Variants in PDE3B observed in about 807,000 individuals in gnomAD.
PDE3B encodes the protein phosphodiesterase 3B.
Under a neutral mutation model 116.8 loss-of-function variants are expected in PDE3B, and 66 were observed. That is an observed-to-expected ratio of 0.56 (90% confidence interval 0.46 to 0.69). PDE3B has a LOEUF of 0.69. Among genes scored for constraint, PDE3B ranks in the 30% least tolerant of loss-of-function variants. The pLI, the probability that PDE3B is intolerant of heterozygous loss-of-function variation, is 0.00. For synonymous variants in PDE3B, 595 were observed against 533.6 expected (o/e 1.12, Z -1.59); for missense variants, 1,384 against 1,368.1 (o/e 1.01, Z -0.18).
intron 4 of PDE3B, among the ~76,000 whole-genome samples, chr11:14,790,673 TAACTC>T (rs1565138528): frequency 6.6e-6 from 1 of 152,106 alleles, no homozygotes; most frequent in African/African-American, 2.4e-5. Context: ...TGTAGTGACT[TAACTC>T]ATTAAAACAA....
chr11:14,658,403 C>A lies in PDE3B; in HGVS notation c.978+13350C>A, dbSNP rs1453994359. Among the ~76,000 whole-genome samples the A allele has an allele frequency of 5.9e-5, 9 of 152,078 alleles. 1 individual carries two copies. Among genetic ancestry groups the A allele is most frequent in the African/African-American group, 2.2e-4 (9 of 41,420 alleles). Reference sequence around the variant, plus strand: ...TGGAGTCCTGCTCTTGTCGCCCAGGCTGAAGTGCAATGGCACTATCTCGGC... The same window carrying A: ...TGGAGTCCTGCTCTTGTCGCCCAGGATGAAGTGCAATGGCACTATCTCGGC... On this transcript the variant is annotated intron_variant, in intron 1 of 15. Coordinates refer to ENST00000282096, the MANE Select transcript of PDE3B (RefSeq NM_000922.4).
chr11:14,715,465 A>C (rs1340705357), intron 1 of PDE3B, among the ~76,000 whole-genome samples: 1 of 152,074 alleles, frequency 6.6e-6, no homozygotes, highest in Non-Finnish European at 1.5e-5. Flanking sequence ...CTCCTTGAAG[A>C]GGTCCTTCAC....
chr11:14,786,227 C>A (rs1590143661), intron 2 of PDE3B, among the ~76,000 whole-genome samples: 1 of 151,748 alleles, frequency 6.6e-6, no homozygotes, highest in Non-Finnish European at 1.5e-5. Context: ...ATACAGATTT[C>A]GTTTTATACT....
intron 1 of PDE3B, among the ~76,000 whole-genome samples, chr11:14,681,894 C>T (rs1177034787): frequency 2.0e-5 from 3 of 152,124 alleles, no homozygotes; most frequent in Non-Finnish European, 2.9e-5. Context: ...AGTTGAAAAT[C>T]TACAAATAAC....
chr11:14,781,023 ATACTG>A (rs1184688372), intron 2 of PDE3B, among the ~76,000 whole-genome samples: 1 of 152,218 alleles, frequency 6.6e-6, no homozygotes, highest in African/African-American at 2.4e-5. Flanking sequence ...CCATCTGAGA[ATACTG>A]TAAACACCCC....
Position 14,781,899 on chromosome 11 carries a change from A to C in PDE3B, c.1030-4538A>C, listed in dbSNP as rs139897719. On this transcript the variant is annotated intron_variant, in intron 2 of 15. Coordinates refer to ENST00000282096, the MANE Select transcript of PDE3B (RefSeq NM_000922.4). ...CCCTGTTTGCAGATGACATGATTGT[A>C]TATCTAGAAAACCCCATCATGTCAG... Among the ~76,000 whole-genome samples, 47 of 152,306 alleles carry C rather than the reference A, an allele frequency of 3.1e-4. No individual in the cohort carries two copies. The East Asian group carries it at 9.1e-3, about 29-fold the overall frequency.
chr11:14,796,976 G>T (rs368036511), intron 4 of PDE3B, among the ~76,000 whole-genome samples: 8 of 152,166 alleles, frequency 5.3e-5, no homozygotes, highest in African/African-American at 1.9e-4. Context: ...AGGTTTTCTT[G>T]TAAGATTTTT....
chr11:14,828,389 T>A (rs185692562), intron 7 of PDE3B, among the ~76,000 whole-genome samples: 89 of 152,024 alleles, frequency 5.9e-4, no homozygotes, highest in African/African-American at 2.0e-3. Flanking sequence ...AGACAACCTA[T>A]GGAAAGGGAG....
intron 1 of PDE3B, among the ~76,000 whole-genome samples, chr11:14,645,883 CTAT>C (rs1197817220): frequency 6.6e-6 from 1 of 151,944 alleles, no homozygotes; most frequent in Non-Finnish European, 1.5e-5. Context: ...AGTATAGTTA[CTAT>C]TATTGAGCAT....
In PDE3B at chr11:14,766,430, A is replaced by T. The variant is rs1346852734; in HGVS notation, c.979-5507A>T. 7.2e-5 allele frequency among the ~76,000 whole-genome samples: 11 copies of T among 151,726 alleles called. No individual in the cohort carries two copies. In the South Asian group the frequency reaches 1.2e-3, roughly 17 times the overall value. ...GTCACTTGCTAAGTTGATGGACATT[A>T]TCATACTTGAAAGTTTAAGAAATAG... On this transcript the variant is annotated intron_variant, in intron 1 of 15. Transcript: ENST00000282096.
chr11:14,849,069 C>T (rs1294516463), intron 12 of PDE3B, among the ~76,000 whole-genome samples: 1 of 151,944 alleles, frequency 6.6e-6, no homozygotes, highest in Non-Finnish European at 1.5e-5. Flanking sequence ...AGGCATCACG[C>T]TACCTGACTT....
chr11:14,871,507 A>G lies in PDE3B; in HGVS notation c.*1847A>G, dbSNP rs1848140929. On this transcript the variant is annotated 3_prime_UTR_variant, in exon 16 of 16. Coordinates refer to ENST00000282096, the MANE Select transcript of PDE3B (RefSeq NM_000922.4). The stretch of plus-strand genomic sequence containing the variant: ...TGTATGTGTATAAAGTCATACATGT[A>G]CAAGCATGCATATTGAGATTGAATC... The G allele has an allele frequency of 6.6e-6, 1 of 152,174 alleles. No individual in the cohort carries two copies. The highest frequency in any genetic ancestry group is 1.5e-5 in the Non-Finnish European group (1 of 67,994). 9.4% of individuals were successfully genotyped at this position (152,174 alleles called of 1,614,324 possible).
At chr11:14,796,318 T>C (rs1389559926) in intron 4 of PDE3B, among the ~76,000 whole-genome samples, 2 of 151,166 alleles carry the variant, frequency 1.3e-5, no homozygotes, top group African/African-American at 4.8e-5. Flanking sequence ...CTATTGTGAA[T>C]AGCAATAAAT....
At chr11:14,795,377 A>T (rs1858521994) in intron 4 of PDE3B, among the ~76,000 whole-genome samples, 1 of 152,176 alleles carries the variant, frequency 6.6e-6, no homozygotes, top group Admixed American at 6.5e-5. Context: ...GTCTGACTTT[A>T]ATCACCTTCC....
chr11:14,873,210 A>G (rs1281113519), downstream of PDE3B, among the ~76,000 whole-genome samples: 1 of 152,138 alleles, frequency 6.6e-6, no homozygotes, highest in Non-Finnish European at 1.5e-5. Context: ...TTATTTTTCT[A>G]TTATTCTTTG....
the PDE3B span, chr11:14,878,962 A>G: frequency 1.5e-6 from 1 of 688,182 alleles, no homozygotes; most frequent in Non-Finnish European, 2.4e-6. Flanking sequence ...AATTACTTCC[A>G]ATTTAATCAT....
In PDE3B at chr11:14,831,735, T is replaced by C. The variant is rs1487274808; in HGVS notation, c.2052T>C (p.Leu684=). The change falls in exon 9 of 16, where the codon CTT becomes CTC. Residue 684 remains leucine (L), a synonymous_variant. Transcript: ENST00000282096. ...ACTGGAATTTTCCAATTTTTGAACT[T>C]GTAGAAAAGATGGGAGAGAAATCAG... ...MSNWNFPIFE[L]VEKMGEKSGR... 1 of 1,606,404 alleles carries C rather than the reference T, an allele frequency of 6.2e-7. No individual in the cohort carries two copies. Among genetic ancestry groups the C allele is most frequent in the Non-Finnish European group, 8.5e-7 (1 of 1,174,934 alleles).
At chr11:14,689,040 T>A (rs1854972145) in intron 1 of PDE3B, among the ~76,000 whole-genome samples, 2 of 152,192 alleles carry the variant, frequency 1.3e-5, no homozygotes, top group Admixed American at 1.3e-4. Flanking sequence ...CCCAAAGTGC[T>A]GGGATTACAG....
At chr11:14,780,718 G>T (rs974262918) in intron 2 of PDE3B, among the ~76,000 whole-genome samples, 2 of 152,130 alleles carry the variant, frequency 1.3e-5, no homozygotes. Flanking sequence ...AAGCAGGAAA[G>T]ATCTAAAATT....
Sources: gnomAD v4.1 joint callset for allele counts (sites outside exome capture counted in the v4.1 genomes callset) on GRCh38, gnomAD v4.1.1 for gene constraint, MANE v1.5 for transcripts, NCBI Gene and HGNC (gene_info 2026-07-23, HGNC 2026-07-21) for gene names.